The following RNF216 variants were observed in gnomAD, a reference collection of about 807,000 sequenced individuals.
RNF216 encodes E3 ubiquitin-protein ligase RNF216.
Under a neutral mutation model 110.8 loss-of-function variants are expected in RNF216, and 72 were observed. That is an observed-to-expected ratio of 0.65 (90% CI 0.54 to 0.79). The LOEUF is 0.79. Among genes scored for constraint, RNF216 ranks in the 30% least tolerant of loss-of-function variants. The pLI is 0.00. For synonymous variants in RNF216, 495 were observed against 407.5 expected, an observed-to-expected ratio of 1.21 and a Z score of -2.59; for missense variants, 1,342 against 1,141.2, an observed-to-expected ratio of 1.18 and a Z score of -2.54.
At chr7:5,776,527 G>A (rs1396011646) in intron 1 of RNF216, among the ~76,000 whole-genome samples, 1 of 149,896 alleles carries the variant, frequency 6.7e-6, no homozygotes, top group Admixed American at 6.7e-5. Context: ...CCCGGGAGGC[G>A]GAGCTTGCAG....
At chr7:5,635,490 T>TCATCTGCGTTTCCTCATCAATCC (rs1278746645) in intron 15 of RNF216, among the ~76,000 whole-genome samples, 56 of 152,290 alleles carry the variant, frequency 3.7e-4, no homozygotes, top group African/African-American at 1.2e-3. Flanking sequence ...ATACCTTTCC[T>TCATCTGCGTTTCCTCATCAATCC]TACCAGGTTT....
intron 1 of RNF216, among the ~76,000 whole-genome samples, chr7:5,772,622 T>A (rs962574708): frequency 1.3e-5 from 2 of 152,176 alleles, no homozygotes; most frequent in Non-Finnish European, 2.9e-5. Context: ...TCATTAAATG[T>A]CTACAAAGAG....
At chr7:5,656,628 G>C (rs954726555) in intron 13 of RNF216, among the ~76,000 whole-genome samples, 2 of 152,154 alleles carry the variant, frequency 1.3e-5, no homozygotes, top group African/African-American at 4.8e-5. Flanking sequence ...CGTTCTTCAC[G>C]TCATCATGGA....
At chr7:5,751,794 G>C (rs1301261780) in intron 3 of RNF216, among the ~76,000 whole-genome samples, 1 of 81,828 alleles carries the variant, frequency 1.2e-5, no homozygotes, top group Non-Finnish European at 2.2e-5. Context: ...CTTGGTCCTA[G>C]AACCACAATA....
At chr7:5,712,886 A>G (rs1299835334) in intron 11 of RNF216, 23 bp from the exon 12 acceptor site, 2 of 1,591,638 alleles carry the variant, frequency 1.3e-6, no homozygotes, top group Admixed American at 3.7e-5. Flanking sequence ...GAAAAGGCAA[A>G]GAAAAAAAAA....
At chr7:5,679,211 CG>C (rs200837140) in intron 13 of RNF216, among the ~76,000 whole-genome samples, 2,851 of 147,754 alleles carry the variant, frequency 0.019, 40 homozygotes, top group Non-Finnish European at 0.031. Flanking sequence ...GGTGCGGTGG[CG>C]GGGGGGCGGT....
chr7:5,692,290 A>G (rs1791383893), intron 13 of RNF216, among the ~76,000 whole-genome samples: 1 of 152,172 alleles, frequency 6.6e-6, no homozygotes. Flanking sequence ...CACATACCAA[A>G]AGCTAACTGT....
rs1396788587 is a variant in RNF216 at position 5,781,638 on chromosome 7, CGCT to C, written c.-170_-168del. 6.6e-6 allele frequency: 1 copy of C among 152,310 alleles called. No individual in the cohort carries two copies. The highest frequency in any genetic ancestry group is 1.5e-5 in the Non-Finnish European group (1 of 68,094). 9.4% of individuals were successfully genotyped at this position (152,310 alleles called of 1,614,324 possible). A position where few individuals can be genotyped will look rare whatever the true frequency, so the allele number is the denominator to read the frequency against. On this transcript the variant is annotated 5_prime_UTR_variant, in exon 1 of 17. Coordinates refer to ENST00000389902, the MANE Select transcript of RNF216 (RefSeq NM_207111.4). ...CCGCAGCTGCGAGCTCCGTGGCAGC[CGCT>C]GCACTCCTTCCGGCCCTGCCGCGGC...
At chr7:5,675,989 G>A (rs867757415) in intron 13 of RNF216, among the ~76,000 whole-genome samples, 3 of 151,144 alleles carry the variant, frequency 2.0e-5, no homozygotes, top group Middle Eastern at 3.4e-3. Flanking sequence ...GATTACAGGC[G>A]TGAGCTACTG....
chr7:5,718,360 G>A (rs1793196668), intron 9 of RNF216, among the ~76,000 whole-genome samples: 1 of 152,090 alleles, frequency 6.6e-6, no homozygotes, highest in South Asian at 2.1e-4. Flanking sequence ...CAGCCTGGGT[G>A]ACAAAGCGAG....
At chr7:5,693,326 C>G (rs1256737534) in intron 13 of RNF216, among the ~76,000 whole-genome samples, 1 of 152,166 alleles carries the variant, frequency 6.6e-6, no homozygotes, top group African/African-American at 2.4e-5. Context: ...CAGAAAAAGT[C>G]TGCTGACCCC....
chr7:5,648,120 T>C (rs1297147027), intron 14 of RNF216, among the ~76,000 whole-genome samples: 2 of 151,812 alleles, frequency 1.3e-5, no homozygotes, highest in African/African-American at 2.4e-5. Context: ...TTTTTTTTTT[T>C]CTTGAGATGG....
chr7:5,728,632 T>A (rs899321734), intron 7 of RNF216, among the ~76,000 whole-genome samples: 2 of 151,964 alleles, frequency 1.3e-5, no homozygotes, highest in Admixed American at 6.5e-5. Flanking sequence ...GGCCTAGACC[T>A]TAGCATGAGC....
At chr7:5,702,977 T>C (rs1034426029) in intron 13 of RNF216, among the ~76,000 whole-genome samples, 2 of 152,290 alleles carry the variant, frequency 1.3e-5, no homozygotes, top group Middle Eastern at 3.4e-3. Flanking sequence ...CCAGGCACCC[T>C]ACATGATATA....
intron 3 of RNF216, among the ~76,000 whole-genome samples, chr7:5,750,170 A>G (rs927520118): frequency 1.3e-5 from 2 of 152,192 alleles, no homozygotes; most frequent in Non-Finnish European, 2.9e-5. Flanking sequence ...CTGGAATGCC[A>G]TATTTCAAAA....
At chr7:5,709,809 C>T (rs1023400038) in intron 13 of RNF216, among the ~76,000 whole-genome samples, 11 of 152,186 alleles carry the variant, frequency 7.2e-5, no homozygotes, top group African/African-American at 2.7e-4. Context: ...GGCTAGAGTG[C>T]AGTGGCGCAA....
rs758182400 is a variant in RNF216, at chr7:5,741,811, T to A, written c.206A>T (p.Asn69Ile). The change falls in exon 4 of 17, where the codon AAT (asparagine) becomes ATT (isoleucine). Residue 69 changes from asparagine to isoleucine, a missense_variant. Physicochemically the swap from Asn to Ile is moderately radical, Grantham distance 149 (BLOSUM62 -3). Coordinates refer to ENST00000389902, the MANE Select transcript of RNF216 (RefSeq NM_207111.4). ...LDDDVILTET[N>I]KPQRSRPNLI... Reference sequence around the variant, plus strand: ...ATTGGGTCGTGATCTCTGAGGTTTATTTGTCTAAGAAAAAATGAAATTTTA... The same window carrying A: ...ATTGGGTCGTGATCTCTGAGGTTTAATTGTCTAAGAAAAAATGAAATTTTA... 1.3e-6 allele frequency: 2 copies of A among 1,592,136 alleles called. No individual in the cohort carries two copies. The highest frequency in any genetic ancestry group is 1.9e-5 in the Admixed American group (1 of 54,050).
chr7:5,627,868 G>A (rs1786812581), intron 15 of RNF216, among the ~76,000 whole-genome samples: 1 of 152,242 alleles, frequency 6.6e-6, no homozygotes, highest in South Asian at 2.1e-4. Context: ...TGGCACTGCT[G>A]AGGCTGAGAG....
At chr7:5,640,808 T>G (rs546430877) in intron 15 of RNF216, among the ~76,000 whole-genome samples, 1 of 152,366 alleles carries the variant, frequency 6.6e-6, no homozygotes, top group South Asian at 2.1e-4. Context: ...GTTTTCTTTG[T>G]TAGGGCTATC....
Sources: allele counts gnomAD v4.1 joint callset (sites outside exome capture counted in the v4.1 genomes callset), GRCh38; gene constraint gnomAD v4.1.1; transcripts MANE v1.5; gene names NCBI Gene and HGNC (gene_info 2026-07-23, HGNC 2026-07-21).